CCNY: variants seen among roughly 807,000 people sequenced by gnomAD.
The protein encoded by CCNY is cyclin Y, also known as cyclin-Y.
A neutral mutation model predicts 42.8 loss-of-function variants in CCNY; 19 were observed. That is an observed-to-expected ratio of 0.44 (90% CI 0.31 to 0.65). CCNY has a LOEUF of 0.65. CCNY is among the 30% of genes least tolerant of loss of function. CCNY has a pLI of 0.07. For missense variants in CCNY, 370 were observed against 437.3 expected (o/e 0.85, Z 1.37); for synonymous variants, 165 against 162.7 (o/e 1.01, Z -0.11).
intron 3 of CCNY, among the ~76,000 whole-genome samples, chr10:35,270,075 A>G (rs1267005682): frequency 6.6e-6 from 1 of 152,188 alleles, no homozygotes; most frequent in East Asian, 1.9e-4. Context: ...TTTATTGTCC[A>G]TATTTCAACC....
rs1589218039 is a variant in CCNY at position 35,572,462 on chromosome 10, T to C, written c.*3292T>C. On this transcript the variant is annotated 3_prime_UTR_variant, in exon 10 of 10. Coordinates refer to ENST00000374704, the MANE Select transcript of CCNY (RefSeq NM_145012.6). ...GCCCAGCTGATTTTTGTAGTTTTAG[T>C]AGAGACAGAGTTTCACCACGTTGGC... The C allele has an allele frequency of 6.6e-6, 1 of 152,010 alleles. No individual in the cohort carries two copies. Among genetic ancestry groups the C allele is most frequent in the Non-Finnish European group, 1.5e-5 (1 of 68,030 alleles). 9.4% of individuals were successfully genotyped at this position (152,010 alleles called of 1,614,324 possible). A position where few individuals can be genotyped will look rare whatever the true frequency, so the allele number is the denominator to read the frequency against.
intron 3 of CCNY, among the ~76,000 whole-genome samples, chr10:35,514,187 G>A (rs1840381669): frequency 6.6e-6 from 1 of 151,948 alleles, no homozygotes; most frequent in African/African-American, 2.4e-5. Context: ...ATCAAGAGAA[G>A]TTCACATTCT....
intron 1 of CCNY, among the ~76,000 whole-genome samples, chr10:35,476,671 C>T (rs1320805919): frequency 2.4e-3 from 367 of 150,242 alleles, no homozygotes; most frequent in Middle Eastern, 0.01. Flanking sequence ...TAAATGCCCA[C>T]AAGAGAAAGC....
chr10:35,465,908 A>T (rs1210803821), intron 1 of CCNY, among the ~76,000 whole-genome samples: 2 of 14,156 alleles, frequency 1.4e-4, no homozygotes, highest in African/African-American at 3.8e-4. Flanking sequence ...TAGGGGGAAG[A>T]GAGAGAGAGA....
chr10:35,284,034 A>G (rs1835326143), intron 3 of CCNY, among the ~76,000 whole-genome samples: 1 of 152,142 alleles, frequency 6.6e-6, no homozygotes, highest in Non-Finnish European at 1.5e-5. Context: ...CAGTGAACTG[A>G]GATCGGGTCA....
Position 35,569,390 on chromosome 10 carries a change from T to C in CCNY, c.*220T>C, listed in dbSNP as rs1841640829. ...CTCTCCCCACTGTCAGCAACAGCACTTCCTTCGTGGAGGAAGTGGACTCGA... is the reference window on the plus strand; with the variant it reads ...CTCTCCCCACTGTCAGCAACAGCACCTCCTTCGTGGAGGAAGTGGACTCGA... On this transcript the variant is annotated 3_prime_UTR_variant, in exon 10 of 10. Coordinates refer to ENST00000374704, the MANE Select transcript of CCNY (RefSeq NM_145012.6). 1 of 546,900 alleles carries C rather than the reference T, an allele frequency of 1.8e-6. No homozygotes were observed. The highest frequency in any genetic ancestry group is 3.3e-6 in the Non-Finnish European group (1 of 304,416). 33.9% of individuals were successfully genotyped at this position (546,900 alleles called of 1,614,324 possible). A position where few individuals can be genotyped will look rare whatever the true frequency, so the allele number is the denominator to read the frequency against.
intron 1 of CCNY, among the ~76,000 whole-genome samples, chr10:35,342,608 C>T (rs1836206749): frequency 6.6e-6 from 1 of 152,054 alleles, no homozygotes; most frequent in South Asian, 2.1e-4. Flanking sequence ...GGTGTAGTTT[C>T]TTGCCCAGGT....
At chr10:35,313,682 A>C (rs1835717241) in intron 3 of CCNY, among the ~76,000 whole-genome samples, 2 of 152,210 alleles carry the variant, frequency 1.3e-5, no homozygotes, top group Non-Finnish European at 2.9e-5. Flanking sequence ...ACTAAGATTA[A>C]AAGTAAATGG....
At chr10:35,412,853 T>C (rs1837939545) in intron 1 of CCNY, among the ~76,000 whole-genome samples, 2 of 94,840 alleles carry the variant, frequency 2.1e-5, no homozygotes, top group African/African-American at 4.8e-5. Flanking sequence ...AGAGCGAGAC[T>C]CTGTCTCAAA....
chr10:35,312,903 A>C (rs1032340008), intron 3 of CCNY, among the ~76,000 whole-genome samples: 5 of 151,968 alleles, frequency 3.3e-5, no homozygotes, highest in African/African-American at 1.2e-4. Flanking sequence ...GGCATGAGTC[A>C]GTGCTCCCAG....
chr10:35,250,009 A>G (rs1465487345), intron 2 of CCNY, among the ~76,000 whole-genome samples: 5 of 152,144 alleles, frequency 3.3e-5, no homozygotes, highest in African/African-American at 4.8e-5. Flanking sequence ...CCTGGCTAAC[A>G]TGGTGAAACC....
intron 1 of CCNY, among the ~76,000 whole-genome samples, chr10:35,468,158 C>T (rs1234708846): frequency 1.3e-5 from 2 of 152,192 alleles, no homozygotes; most frequent in Admixed American, 6.5e-5. Flanking sequence ...GTCAGCTTCC[C>T]GGTTCATAGA....
At chr10:35,384,130 A>G (rs547945837) in intron 1 of CCNY, among the ~76,000 whole-genome samples, 3 of 152,306 alleles carry the variant, frequency 2.0e-5, no homozygotes, top group South Asian at 4.1e-4. Context: ...CAGAATAGCT[A>G]TATAAACCCA....
intron 1 of CCNY, among the ~76,000 whole-genome samples, chr10:35,459,876 T>C (rs758541375): frequency 1.3e-5 from 2 of 151,966 alleles, no homozygotes; most frequent in Non-Finnish European, 2.9e-5. Context: ...TTGGAGGGAG[T>C]ACTTTATACC....
At chr10:35,364,585 A>G (rs1443163670) in intron 1 of CCNY, among the ~76,000 whole-genome samples, 1 of 152,224 alleles carries the variant, frequency 6.6e-6, no homozygotes, top group Non-Finnish European at 1.5e-5. Flanking sequence ...GAGATGACAT[A>G]CTTATTTATA....
intron 1 of CCNY, among the ~76,000 whole-genome samples, chr10:35,351,398 A>T (rs1440055524): frequency 1.3e-5 from 2 of 152,196 alleles, no homozygotes; most frequent in Non-Finnish European, 2.9e-5. Flanking sequence ...AGTGACTTTA[A>T]GTACTGTTTT....
intron 1 of CCNY, among the ~76,000 whole-genome samples, chr10:35,347,700 CAAG>C (rs1446769757): frequency 1.3e-5 from 2 of 151,876 alleles, no homozygotes; most frequent in Non-Finnish European, 2.9e-5. Flanking sequence ...TTTTGCTTCT[CAAG>C]AAAAGATTTC....
At chr10:35,362,287 A>G (rs1452838191) in intron 1 of CCNY, among the ~76,000 whole-genome samples, 2 of 152,184 alleles carry the variant, frequency 1.3e-5, no homozygotes, top group Non-Finnish European at 2.9e-5. Flanking sequence ...GTGCAATAAG[A>G]TGTGCAAGGT....
chr10:35,374,748 A>G (rs1004152081), intron 1 of CCNY, among the ~76,000 whole-genome samples: 1 of 152,248 alleles, frequency 6.6e-6, no homozygotes, highest in African/African-American at 2.4e-5. Context: ...ATTCTAATAT[A>G]CGTGTCTCTG....
Sources: gnomAD v4.1 joint callset for allele counts (sites outside exome capture counted in the v4.1 genomes callset) on GRCh38, gnomAD v4.1.1 for gene constraint, MANE v1.5 for transcripts, NCBI Gene and HGNC (gene_info 2026-07-23, HGNC 2026-07-21) for gene names.